The following XYLB variants were observed in gnomAD, a reference collection of about 807,000 sequenced individuals.
XYLB encodes the protein xylulose kinase.
In XYLB, 62 loss-of-function variants were observed where a neutral mutation model predicts 78.7. That is an observed-to-expected ratio of 0.79 (90% confidence interval 0.64 to 0.97). The LOEUF is 0.97. Among genes scored for constraint, XYLB ranks in the 50% least tolerant of loss-of-function variants. The probability of loss-of-function intolerance (pLI) is 0.00; values close to 1 mark genes in which losing one functional copy is unlikely to be tolerated. For synonymous variants in XYLB, 245 were observed against 247.4 expected (o/e 0.99, Z 0.09); for missense variants, 687 against 676.8 (o/e 1.02, Z -0.17).
downstream of XYLB, among the ~76,000 whole-genome samples, chr3:38,419,603 T>TATATATATATATATATA (rs71085322): frequency 6.2e-5 from 5 of 80,886 alleles, no homozygotes; most frequent in Non-Finnish European, 1.6e-4. Flanking sequence ...TATATATATA[T>TATATATATATATATATA]AATAGCCATC....
the XYLB span, among the ~76,000 whole-genome samples, chr3:38,444,662 C>G: frequency 6.6e-6 from 1 of 151,570 alleles, no homozygotes; most frequent in African/African-American, 2.4e-5. Context: ...AAAAATGAGT[C>G]ACCTCTTTAT....
intron 17 of XYLB, 97 bp from the exon 18 acceptor site, chr3:38,400,794 A>C: frequency 1.1e-6 from 1 of 947,554 alleles, no homozygotes; most frequent in Non-Finnish European, 1.6e-6. Context: ...ATCCAGTTTT[A>C]GAACAGTTTG....
chr3:38,446,119 G>A, the XYLB span, among the ~76,000 whole-genome samples: 1 of 152,202 alleles, frequency 6.6e-6, no homozygotes, highest in African/African-American at 2.4e-5. Flanking sequence ...ACCCAAGTGG[G>A]TTGCTGCTGC....
chr3:38,403,401 A>G (rs183644467), intron 18 of XYLB, among the ~76,000 whole-genome samples: 5 of 152,294 alleles, frequency 3.3e-5, no homozygotes, highest in Admixed American at 3.3e-4. Flanking sequence ...TGCTTCAAGT[A>G]TGCAAAGGTA....
intron 18 of XYLB, among the ~76,000 whole-genome samples, chr3:38,408,558 G>C (rs1343351394): frequency 1.4e-5 from 2 of 146,808 alleles, no homozygotes; most frequent in Non-Finnish European, 3.0e-5. Context: ...AGGAAATACA[G>C]ACACAAAAAA....
chr3:38,361,016 C>G (rs1340749023), intron 3 of XYLB, among the ~76,000 whole-genome samples: 3 of 152,040 alleles, frequency 2.0e-5, no homozygotes, highest in African/African-American at 7.2e-5. Context: ...GCCTGGATAA[C>G]AAGAGTGAAA....
In XYLB at chr3:38,397,028, C is replaced by G. The variant is rs752062100; in HGVS notation, c.1351-44C>G. 5 of 1,597,826 alleles carry G rather than the reference C, an allele frequency of 3.1e-6. No homozygotes were observed. The Admixed American group carries it at 5.0e-5, about 16-fold the overall frequency. On this transcript the variant is annotated intron_variant, in intron 16 of 18. Coordinates refer to ENST00000207870, the MANE Select transcript of XYLB (RefSeq NM_005108.4). Reference sequence around the variant, plus strand: ...GCATCCCACAATGTCTGTGTTCCCTCTGAGGAATGGCTCACCACAGTAGAA... The same window carrying G: ...GCATCCCACAATGTCTGTGTTCCCTGTGAGGAATGGCTCACCACAGTAGAA...
At chr3:38,351,831 T>C (rs1191433242) in intron 2 of XYLB, among the ~76,000 whole-genome samples, 1 of 152,256 alleles carries the variant, frequency 6.6e-6, no homozygotes, top group Non-Finnish European at 1.5e-5. Context: ...TCATCCATGT[T>C]GCTACATGTG....
chr3:38,368,063 C>A (rs1706355608), intron 7 of XYLB, 122 bp from the exon 8 acceptor site: 1 of 881,618 alleles, frequency 1.1e-6, no homozygotes, highest in South Asian at 1.5e-5. Context: ...TTACTTGGGC[C>A]TTTTGTTCAA....
rs745685048 is a variant in XYLB at position 38,366,866 on chromosome 3, A to G, written c.566A>G (p.His189Arg). ...CAGCAGAACCCCGAGGCCTACTCAC[A>G]TACGGAGGTTGGTTAAATGTTCCTG... The part of the protein sequence containing the change: ...IYQQNPEAYS[H>R]TERISLVSSF... Residue 189 changes from histidine to arginine, a missense_variant, in exon 7 of 19, where the codon CAT becomes CGT. By Grantham distance (29) the His-to-Arg change is conservative. Coordinates refer to ENST00000207870, the MANE Select transcript of XYLB (RefSeq NM_005108.4). The G allele has an allele frequency of 3.4e-5, 54 of 1,610,898 alleles. No homozygotes were observed. In the South Asian group the frequency reaches 4.7e-4, roughly 14 times the overall value.
intron 17 of XYLB, among the ~76,000 whole-genome samples, chr3:38,399,598 C>T (rs1017049760): frequency 6.6e-6 from 1 of 152,218 alleles, no homozygotes; most frequent in African/African-American, 2.4e-5. Flanking sequence ...CTTCCATAAT[C>T]TTCTGGCCTT....
chr3:38,392,762 T>G (rs1707722070), intron 15 of XYLB, among the ~76,000 whole-genome samples: 1 of 152,236 alleles, frequency 6.6e-6, no homozygotes, highest in Non-Finnish European at 1.5e-5. Context: ...TTTTTTGTGT[T>G]GCAGATATCT....
downstream of XYLB, among the ~76,000 whole-genome samples, chr3:38,421,597 GGCATATAAGGATGGT>G (rs1708980697): frequency 6.6e-6 from 1 of 152,050 alleles, no homozygotes; most frequent in African/African-American, 2.4e-5. Flanking sequence ...CACTGAAAAA[GGCATATAAGGATGGT>G]GTTGGGGATA....
At position 38,355,389 on chromosome 3, in the gene XYLB, AG is replaced by A. The variant is rs554379247; in HGVS notation, c.141-4949del. ...AGCTGAGCCCCATCCAATGATAGCA[AG>A]TAGAATTGTGAGCTTAATGGTTTTG... On this transcript the variant is annotated intron_variant, in intron 2 of 18. Coordinates refer to ENST00000207870, the MANE Select transcript of XYLB (RefSeq NM_005108.4). 1.7e-3 allele frequency among the ~76,000 whole-genome samples: 252 copies of A among 152,356 alleles called. 1 individual carries two copies. Among genetic ancestry groups the A allele is most frequent in the African/African-American group, 5.7e-3 (238 of 41,580 alleles).
At chr3:38,375,062 G>A in intron 11 of XYLB, 82 bp from the exon 12 acceptor site, 1 of 1,095,378 alleles carries the variant, frequency 9.1e-7, no homozygotes, top group South Asian at 1.4e-5. Flanking sequence ...GGTTAAGGTG[G>A]GTGGAGTACA....
chr3:38,348,770 C>G, intron 2 of XYLB, 138 bp downstream of exon 2: 1 of 697,858 alleles, frequency 1.4e-6, no homozygotes, highest in Non-Finnish European at 2.5e-6. Flanking sequence ...TTTCAAGCAT[C>G]TTTTTTTCCT....
intron 8 of XYLB, 121 bp from the exon 9 acceptor site, chr3:38,369,935 G>A: frequency 1.2e-6 from 1 of 858,504 alleles, no homozygotes; most frequent in Non-Finnish European, 2.0e-6. Context: ...TACCTTCCAT[G>A]AAGAAAGAGC....
intron 18 of XYLB, among the ~76,000 whole-genome samples, chr3:38,408,042 C>T (rs1304082023): frequency 6.6e-6 from 1 of 152,128 alleles, no homozygotes; most frequent in African/African-American, 2.4e-5. Context: ...ACCTAATAGA[C>T]ATCTACAGAA....
rs1486136905 is a variant in XYLB at position 38,408,054 on chromosome 3, T to C, written c.1534-4882T>C. 5.3e-5 allele frequency among the ~76,000 whole-genome samples: 8 copies of C among 151,708 alleles called. No individual in the cohort carries two copies. The East Asian group carries it at 7.7e-4, about 15-fold the overall frequency. Reference sequence around the variant, plus strand: ...CGGACCTAATAGACATCTACAGAACTCTCCACCCCAAATCAACAGAATATA... The same window carrying C: ...CGGACCTAATAGACATCTACAGAACCCTCCACCCCAAATCAACAGAATATA... On this transcript the variant is annotated intron_variant, in intron 18 of 18. Coordinates refer to ENST00000207870, the MANE Select transcript of XYLB (RefSeq NM_005108.4).
Sources: allele counts gnomAD v4.1 joint callset (sites outside exome capture counted in the v4.1 genomes callset), GRCh38; gene constraint gnomAD v4.1.1; transcripts MANE v1.5; gene names NCBI Gene and HGNC (gene_info 2026-07-23, HGNC 2026-07-21).